PRKCH: variants seen among roughly 807,000 people sequenced by gnomAD.
PRKCH encodes the protein protein kinase C eta.
Under a neutral mutation model 82.5 loss-of-function variants are expected in PRKCH, and 28 were observed. The observed-to-expected ratio is 0.34, with a 90% CI of 0.25 to 0.47. The LOEUF is 0.47. Ranked by LOEUF, PRKCH falls within the 20% of genes least tolerant of loss-of-function variation. The pLI, the probability that PRKCH is intolerant of heterozygous loss-of-function variation, is 1.00. For missense variants in PRKCH, 705 were observed against 881.8 expected, an observed-to-expected ratio of 0.80 and a Z score of 2.54; for synonymous variants, 322 against 327.4, an observed-to-expected ratio of 0.98 and a Z score of 0.18.
At chr14:61,398,625 T>C (rs1443734814) in intron 2 of PRKCH, among the ~76,000 whole-genome samples, 1 of 152,084 alleles carries the variant, frequency 6.6e-6, no homozygotes, top group African/African-American at 2.4e-5. Flanking sequence ...TGCCAAAAAG[T>C]AGAGGTAGTT....
At position 61,321,843 on chromosome 14, in the gene PRKCH, AGGGACGGTC is replaced by A; in HGVS notation, c.-255_-247del. Reference sequence around the variant, plus strand: ...CCCCGGGAGGCGCCGCGCGCTTGGAAGGGACGGTCGGGCTTCCCCGGCCCGCTGAGGGCT... The same window carrying A: ...CCCCGGGAGGCGCCGCGCGCTTGGAAGGGCTTCCCCGGCCCGCTGAGGGCT... On this transcript the variant is annotated 5_prime_UTR_variant, in exon 1 of 14. Transcript: ENST00000332981. The surrounding 1 kb of genome is among the most constrained non-coding windows in gnomAD (Gnocchi z 4.1). 1 of 368,648 alleles carries A rather than the reference AGGGACGGTC, an allele frequency of 2.7e-6. No individual in the cohort carries two copies. The highest frequency in any genetic ancestry group is 5.0e-6 in the Non-Finnish European group (1 of 199,352). 22.8% of individuals were successfully genotyped at this position (368,648 alleles called of 1,614,324 possible).
chr14:61,540,243 ATG>A (rs2043165298), intron 12 of PRKCH, among the ~76,000 whole-genome samples: 1 of 152,234 alleles, frequency 6.6e-6, no homozygotes, highest in South Asian at 2.1e-4. Context: ...AGGAAAAAGA[ATG>A]TCACATGAGC....
chr14:61,502,065 C>CTTTTCTTTTCT (rs1325529802), intron 10 of PRKCH, among the ~76,000 whole-genome samples: 1 of 6,418 alleles, frequency 1.6e-4, no homozygotes, highest in African/African-American at 7.5e-4. Context: ...CTTTTCTTTT[C>CTTTTCTTTTCT]TTTTTTTTTT....
intron 2 of PRKCH, among the ~76,000 whole-genome samples, chr14:61,414,774 T>C (rs1453531082): frequency 6.6e-6 from 1 of 152,074 alleles, no homozygotes; most frequent in African/African-American, 2.4e-5. Flanking sequence ...CCACTGTGCC[T>C]GGCCCATTTA....
chr14:61,508,021 A>G (rs1887227788), intron 10 of PRKCH, among the ~76,000 whole-genome samples: 1 of 152,298 alleles, frequency 6.6e-6, no homozygotes, highest in South Asian at 2.1e-4. Flanking sequence ...ATGATTTTAC[A>G]GGTATACACC....
intron 1 of PRKCH, among the ~76,000 whole-genome samples, chr14:61,368,435 C>T (rs142346633): frequency 1.1e-4 from 17 of 152,184 alleles, no homozygotes; most frequent in South Asian, 1.0e-3. Flanking sequence ...TGCTTCATGC[C>T]GGGTCTTCTG....
intron 10 of PRKCH, among the ~76,000 whole-genome samples, chr14:61,506,062 A>G (rs1321087111): frequency 6.6e-6 from 1 of 152,034 alleles, no homozygotes; most frequent in East Asian, 1.9e-4. Context: ...TTCCACATCA[A>G]TGCCTACCAG....
At chr14:61,490,059 C>T (rs1886390781) in intron 10 of PRKCH, among the ~76,000 whole-genome samples, 2 of 152,246 alleles carry the variant, frequency 1.3e-5, no homozygotes, top group African/African-American at 4.8e-5. Flanking sequence ...CACTTTCCAA[C>T]ACATGCTTTT....
intron 3 of PRKCH, 45 bp from the exon 4 acceptor site, chr14:61,445,647 A>T (rs774933920): frequency 6.4e-7 from 1 of 1,550,696 alleles, no homozygotes; most frequent in East Asian, 2.2e-5. Context: ...TAAGAGGGTT[A>T]TTGCTGAAAT....
chr14:61,536,492 C>T (rs1296622361), intron 12 of PRKCH, among the ~76,000 whole-genome samples: 1 of 152,126 alleles, frequency 6.6e-6, no homozygotes, highest in African/African-American at 2.4e-5. Flanking sequence ...GTGCCTCTCT[C>T]TACAGTCTTA....
Position 61,280,318 on chromosome 14 carries a change from C to A in PRKCH, c.-19+92650C>A. 6.2e-7 allele frequency: 1 copy of A among 1,613,896 alleles called. No homozygotes were observed. Among genetic ancestry groups the A allele is most frequent in the Middle Eastern group, 1.6e-4 (1 of 6,062 alleles). Reference sequence around the variant, plus strand: ...GACGCGGTAGGCGCCCCGCGGCAGCCCGGCCGAGTAGTTGCCCTGGCGGAT... The same window carrying A: ...GACGCGGTAGGCGCCCCGCGGCAGCACGGCCGAGTAGTTGCCCTGGCGGAT... On this transcript the variant is annotated intron_variant, in intron 1 of 3. Transcript: ENST00000555185. This position sits in a 1 kb window ranked among gnomAD's most constrained non-coding sequence, Gnocchi z 5.0.
chr14:61,514,088 A>T (rs2042786529), intron 10 of PRKCH, among the ~76,000 whole-genome samples: 1 of 151,900 alleles, frequency 6.6e-6, no homozygotes, highest in African/African-American at 2.4e-5. Flanking sequence ...ACCCTGCTTC[A>T]CCCACGCCTA....
At chr14:61,545,542 T>TTG (rs954648547) in intron 12 of PRKCH, among the ~76,000 whole-genome samples, 10 of 152,040 alleles carry the variant, frequency 6.6e-5, no homozygotes, top group Admixed American at 2.6e-4. Context: ...CAAAGTTTGT[T>TTG]TGTGTGTGTG....
At position 61,479,397 on chromosome 14, in the gene PRKCH, C is replaced by T. The variant is rs187225743; in HGVS notation, c.1279-6105C>T. Among the ~76,000 whole-genome samples, 46 of 152,222 alleles carry T rather than the reference C, an allele frequency of 3.0e-4. No individual in the cohort carries two copies. The East Asian group carries it at 6.2e-3, about 20-fold the overall frequency. On this transcript the variant is annotated intron_variant, in intron 9 of 13. Transcript: ENST00000332981. ...CACAGATGCTGAGCGTTTACCCATG[C>T]GGCCAGGCTGGAGCATGGGTAAATG...
At chr14:61,521,491 A>C (rs185973510) in intron 10 of PRKCH, among the ~76,000 whole-genome samples, 45 of 152,254 alleles carry the variant, frequency 3.0e-4, no homozygotes, top group African/African-American at 1.0e-3. Context: ...AGAGATTGAG[A>C]ATTTAACCTG....
chr14:61,275,404 T>A (rs1254336719), intron 1 of PRKCH, among the ~76,000 whole-genome samples: 1 of 152,212 alleles, frequency 6.6e-6, no homozygotes, highest in African/African-American at 2.4e-5. Context: ...GAACAAAGTA[T>A]CATTATTAAT....
At chr14:61,527,107 G>A (rs535706068) in intron 10 of PRKCH, among the ~76,000 whole-genome samples, 1 of 152,324 alleles carries the variant, frequency 6.6e-6, no homozygotes, top group Non-Finnish European at 1.5e-5. Flanking sequence ...TTTTTTAAGA[G>A]AGCACTGCCT....
intron 1 of PRKCH, among the ~76,000 whole-genome samples, chr14:61,255,155 C>G (rs960523645): frequency 6.6e-6 from 1 of 152,212 alleles, no homozygotes; most frequent in Non-Finnish European, 1.5e-5. Context: ...AGTTTCTCAA[C>G]GTTGTCCTCT....
At chr14:61,464,888 C>A (rs376775014) in intron 9 of PRKCH, among the ~76,000 whole-genome samples, 12 of 152,168 alleles carry the variant, frequency 7.9e-5, no homozygotes, top group African/African-American at 2.9e-4. Context: ...TTTATTAATC[C>A]TTTGGGTATA....
Sources: gnomAD v4.1 joint callset for allele counts (sites outside exome capture counted in the v4.1 genomes callset) on GRCh38, gnomAD v4.1.1 for gene constraint, Gnocchi (gnomAD v3.1) non-coding constraint, MANE v1.5 for transcripts, NCBI Gene and HGNC (gene_info 2026-07-23, HGNC 2026-07-21) for gene names.